Variants in LNPK observed in about 807,000 individuals in gnomAD.
The protein encoded by LNPK is lunapark, ER junction formation factor.
Under a neutral mutation model 55.2 loss-of-function variants are expected in LNPK, and 29 were observed. The ratio of observed to expected loss-of-function variants is 0.53; its 90% CI spans 0.39 to 0.72. The LOEUF is 0.72. Ranked by LOEUF, LNPK falls within the 30% of genes least tolerant of loss-of-function variation. The pLI is 0.00. For missense variants in LNPK, 467 were observed against 494.8 expected (o/e 0.94, Z 0.53); for synonymous variants, 162 against 168.2 (o/e 0.96, Z 0.29).
chr2:176,002,144 G>T lies in LNPK; in HGVS notation c.-63+16C>A, dbSNP rs1012892084. 9.1e-6 allele frequency: 4 copies of T among 438,786 alleles called. No individual in the cohort carries two copies. The highest frequency in any genetic ancestry group is 6.4e-5 in the South Asian group (4 of 62,672). The allele number at this position is 438,786 out of a possible 1,614,324, so 27.2% of individuals were successfully genotyped here. A position where few individuals can be genotyped will look rare whatever the true frequency, so the allele number is the denominator to read the frequency against. ...CTGCAGAGCCCTCCCAACTGCCCTC[G>T]CCTTGAGCGTTCTACCTGCAAGAAG... On this transcript the variant is annotated intron_variant, in intron 1 of 12. Coordinates refer to ENST00000272748, the MANE Select transcript of LNPK (RefSeq NM_030650.3).
chr2:175,957,184 C>A (rs1685734691), intron 8 of LNPK, among the ~76,000 whole-genome samples: 1 of 151,844 alleles, frequency 6.6e-6, no homozygotes, highest in Non-Finnish European at 1.5e-5. Context: ...ATGGTGAAAC[C>A]CCGTATCTAC....
chr2:175,961,767 C>G (rs972235885), intron 8 of LNPK, among the ~76,000 whole-genome samples: 8 of 152,264 alleles, frequency 5.3e-5, no homozygotes, highest in African/African-American at 1.9e-4. Context: ...CAAATTGTCC[C>G]TTTTTGCAGA....
rs540558688 is a variant in LNPK, at chr2:175,928,743, A to C, written c.*1224T>G. 4 of 152,140 alleles carry C rather than the reference A, an allele frequency of 2.6e-5. No homozygotes were observed. The highest frequency in any genetic ancestry group is 9.6e-5 in the African/African-American group (4 of 41,534). 9.4% of individuals were successfully genotyped at this position (152,140 alleles called of 1,614,324 possible). On this transcript the variant is annotated 3_prime_UTR_variant, in exon 13 of 13. Coordinates refer to ENST00000272748, the MANE Select transcript of LNPK (RefSeq NM_030650.3). Reference sequence around the variant, plus strand: ...AAAGGAGGCCGTAACAGATAAGCACACTGTATTAAAGGTCCAAGAATTAGC... The same window carrying C: ...AAAGGAGGCCGTAACAGATAAGCACCCTGTATTAAAGGTCCAAGAATTAGC...
intron 5 of LNPK, among the ~76,000 whole-genome samples, chr2:175,978,347 C>G (rs765008143): frequency 6.6e-6 from 1 of 152,066 alleles, no homozygotes; most frequent in Non-Finnish European, 1.5e-5. Flanking sequence ...GGACCAATCC[C>G]TCACAGATAC....
At chr2:175,938,892 C>G (rs893458090) in intron 10 of LNPK, 1 of 152,092 alleles carries the variant, frequency 6.6e-6, no homozygotes, top group East Asian at 1.9e-4. Flanking sequence ...CCCAGTTACA[C>G]TAAACATCTA....
chr2:175,941,526 C>G (rs2105542881), intron 9 of LNPK, among the ~76,000 whole-genome samples: 1 of 151,858 alleles, frequency 6.6e-6, no homozygotes, highest in Non-Finnish European at 1.5e-5. Context: ...GGTGCAGTGG[C>G]TCATGCCTGT....
intron 12 of LNPK, among the ~76,000 whole-genome samples, chr2:175,935,367 G>A (rs1164049179): frequency 1.3e-5 from 2 of 152,002 alleles, no homozygotes; most frequent in Non-Finnish European, 2.9e-5. Flanking sequence ...GAGATGATGT[G>A]GTCTTCATTA....
At chr2:176,001,625 C>T (rs1212440425) in intron 1 of LNPK, among the ~76,000 whole-genome samples, 2 of 152,156 alleles carry the variant, frequency 1.3e-5, no homozygotes, top group African/African-American at 4.8e-5. Context: ...ACTCCACGCC[C>T]ACACGCTAGA....
At chr2:175,966,295 C>T (rs548788514) in intron 6 of LNPK, among the ~76,000 whole-genome samples, 1 of 152,170 alleles carries the variant, frequency 6.6e-6, no homozygotes, top group Non-Finnish European at 1.5e-5. Context: ...AACTCTTGGC[C>T]TCAAGTGATC....
chr2:175,979,759 C>T (rs1410195131), intron 5 of LNPK, 51 bp downstream of exon 5: 1 of 1,366,156 alleles, frequency 7.3e-7, no homozygotes, highest in Admixed American at 2.6e-5. Context: ...CCAGCACATT[C>T]TAAAATAGGT....
intron 9 of LNPK, among the ~76,000 whole-genome samples, chr2:175,946,415 T>C: frequency 6.6e-6 from 1 of 152,144 alleles, no homozygotes; most frequent in East Asian, 1.9e-4. Context: ...TTAAGTATTG[T>C]CATTATATGT....
At chr2:175,983,495 T>C (rs2105694204) in intron 4 of LNPK, among the ~76,000 whole-genome samples, 1 of 152,080 alleles carries the variant, frequency 6.6e-6, no homozygotes, top group East Asian at 1.9e-4. Flanking sequence ...AAGGTTTTAA[T>C]TATAAAAACC....
At chr2:175,982,896 C>A (rs542744341) in intron 4 of LNPK, among the ~76,000 whole-genome samples, 17 of 152,204 alleles carry the variant, frequency 1.1e-4, no homozygotes, top group African/African-American at 3.9e-4. Context: ...AGATCCACTT[C>A]CCCCTTCTCT....
chr2:176,000,062 G>A (rs529605396), intron 1 of LNPK, among the ~76,000 whole-genome samples: 1 of 152,214 alleles, frequency 6.6e-6, no homozygotes, highest in South Asian at 2.1e-4. Context: ...AACCCCACCC[G>A]ACCTAAATGT....
chr2:175,934,797 C>A (rs904415516), intron 12 of LNPK, among the ~76,000 whole-genome samples: 1 of 151,398 alleles, frequency 6.6e-6, no homozygotes, highest in African/African-American at 2.4e-5. Context: ...AGCAAAAAGA[C>A]AATCTATATC....
At chr2:175,998,153 C>T (rs754242328) in intron 1 of LNPK, among the ~76,000 whole-genome samples, 71 of 152,006 alleles carry the variant, frequency 4.7e-4, no homozygotes, top group Non-Finnish European at 7.6e-4. Context: ...ATCCCAAAGA[C>T]AGTAAGCAGG....
intron 12 of LNPK, among the ~76,000 whole-genome samples, chr2:175,931,438 T>C (rs1684277062): frequency 1.3e-5 from 2 of 152,190 alleles, no homozygotes. Context: ...TATCTATAGC[T>C]CACATACTCT....
intron 8 of LNPK, among the ~76,000 whole-genome samples, chr2:175,954,477 AG>A (rs2105588909): frequency 6.6e-6 from 1 of 152,334 alleles, no homozygotes; most frequent in Admixed American, 6.5e-5. Flanking sequence ...TAACTTCAGA[AG>A]TCCATACAGA....
At chr2:175,978,129 A>AATCAACCAT (rs1237326061) in intron 5 of LNPK, among the ~76,000 whole-genome samples, 2 of 152,218 alleles carry the variant, frequency 1.3e-5, no homozygotes, top group African/African-American at 4.8e-5. Flanking sequence ...CATGGAATTA[A>AATCAACCAT]ATCAACCATG....
Sources: allele counts gnomAD v4.1 joint callset (sites outside exome capture counted in the v4.1 genomes callset), GRCh38; gene constraint gnomAD v4.1.1; transcripts MANE v1.5; gene names NCBI Gene and HGNC (gene_info 2026-07-23, HGNC 2026-07-21).